The following SATB2 variants were observed in gnomAD, a reference collection of about 807,000 sequenced individuals.
The protein encoded by SATB2 is DNA-binding protein SATB2.
SATB2 carries 1 observed loss-of-function variant against 73.4 expected under a neutral mutation model. That is an observed-to-expected ratio of 0.01 (90% CI 0.00 to 0.06). SATB2 has a LOEUF of 0.06. Among genes scored for constraint, SATB2 ranks in the 10% least tolerant of loss-of-function variants. SATB2 has a pLI of 1.00. For synonymous variants in SATB2, 397 were observed against 367.0 expected (o/e 1.08, Z -0.93); for missense variants, 459 against 945.8 (o/e 0.49, Z 6.75).
chr2:199,328,592 A>C (rs1574510601), intron 8 of SATB2, 106 bp downstream of exon 8: 1 of 774,078 alleles, frequency 1.3e-6, no homozygotes. Flanking sequence ...AAAGGAAAGA[A>C]ATCCTTGAAT....
At chr2:199,292,548 C>T (rs76095271) in intron 10 of SATB2, among the ~76,000 whole-genome samples, 1 of 152,238 alleles carries the variant, frequency 6.6e-6, no homozygotes, top group Non-Finnish European at 1.5e-5. Flanking sequence ...ATAATAAATG[C>T]TTATTCAGAT....
At chr2:199,281,496 A>ACACAAT in intron 10 of SATB2, among the ~76,000 whole-genome samples, 1 of 51,858 alleles carries the variant, frequency 1.9e-5, no homozygotes, top group African/African-American at 5.2e-5. Context: ...CACACACACA[A>ACACAAT]TTTTTTTTTA....
In SATB2 at chr2:199,455,649, T is replaced by C. The variant is rs967549745; in HGVS notation, c.169+220A>G. Among the ~76,000 whole-genome samples, 1 of 152,228 alleles carries C rather than the reference T, an allele frequency of 6.6e-6. No homozygotes were observed. The highest frequency in any genetic ancestry group is 1.5e-5 in the Non-Finnish European group (1 of 68,026). On this transcript the variant is annotated intron_variant, in intron 2 of 10. Coordinates refer to ENST00000417098, the MANE Select transcript of SATB2 (RefSeq NM_001172509.2). The surrounding 1 kb of genome is among the most constrained non-coding windows in gnomAD (Gnocchi z 4.1). Reference sequence around the variant, plus strand: ...AACACCTCAGCACACAGTGGCAAAATGCCCAAAAAATGCCACCCTCTGGGT... The same window carrying C: ...AACACCTCAGCACACAGTGGCAAAACGCCCAAAAAATGCCACCCTCTGGGT...
At chr2:199,425,744 T>C (rs1288859429) in intron 3 of SATB2, among the ~76,000 whole-genome samples, 1 of 152,146 alleles carries the variant, frequency 6.6e-6, no homozygotes, top group Non-Finnish European at 1.5e-5. Context: ...ATATAAGGAA[T>C]ACAGAACTAT....
At chr2:199,401,752 A>G (rs903615579) in intron 3 of SATB2, among the ~76,000 whole-genome samples, 5 of 152,204 alleles carry the variant, frequency 3.3e-5, no homozygotes, top group African/African-American at 1.2e-4. Flanking sequence ...GAGAAATTCA[A>G]AGAGGCTGGC....
intron 7 of SATB2, chr2:199,348,489 C>A: frequency 1.7e-6 from 1 of 594,090 alleles, no homozygotes. Context: ...TCAAAGATGT[C>A]CATTACCTCA....
chr2:199,368,481 A>C, intron 6 of SATB2, 124 bp downstream of exon 6: 1 of 683,138 alleles, frequency 1.5e-6, no homozygotes, highest in Non-Finnish European at 2.6e-6. Flanking sequence ...GGAATATTAA[A>C]GATCTCACCT....
upstream of SATB2, among the ~76,000 whole-genome samples, chr2:199,468,479 C>T (rs1459981616): frequency 6.6e-6 from 1 of 152,210 alleles, no homozygotes; most frequent in African/African-American, 2.4e-5. Context: ...AAGCATCCAA[C>T]TGAGGCCCAG....
chr2:199,390,862 G>T (rs929242224), intron 3 of SATB2, among the ~76,000 whole-genome samples: 3 of 152,092 alleles, frequency 2.0e-5, no homozygotes, highest in Admixed American at 6.6e-5. Flanking sequence ...TTCTAGAATT[G>T]TCCTCCAGGC....
chr2:199,337,531 C>T (rs192585382), intron 7 of SATB2, among the ~76,000 whole-genome samples: 1 of 152,028 alleles, frequency 6.6e-6, no homozygotes, highest in Admixed American at 6.6e-5. Flanking sequence ...TTTCATGAAG[C>T]CTTTGCTTTA....
In SATB2 at chr2:199,337,723, CAG is replaced by C. The variant is rs575926846; in HGVS notation, c.1174-8815_1174-8814del. Among the ~76,000 whole-genome samples the C allele has an allele frequency of 2.0e-5, 3 of 152,220 alleles. No individual in the cohort carries two copies. In the South Asian group the frequency reaches 6.2e-4, roughly 32 times the overall value. ...CAGTCTATACTGACAATTTTAGACA[CAG>C]AACTGTATACAGAATTGAAACAACC... On this transcript the variant is annotated intron_variant, in intron 7 of 10. Transcript: ENST00000417098.
chr2:199,333,349 T>C (rs1444741014), intron 7 of SATB2, among the ~76,000 whole-genome samples: 1 of 151,968 alleles, frequency 6.6e-6, no homozygotes, highest in African/African-American at 2.4e-5. Flanking sequence ...CCAGAACTAG[T>C]GTCACCTTGG....
chr2:199,362,874 GA>G (rs1423309624), intron 6 of SATB2, among the ~76,000 whole-genome samples: 8 of 152,190 alleles, frequency 5.3e-5, no homozygotes, highest in African/African-American at 1.7e-4. Context: ...GAGAAGCAGG[GA>G]GGGGCGTAAG....
At chr2:199,323,182 T>A (rs1473930889) in intron 9 of SATB2, among the ~76,000 whole-genome samples, 1 of 152,100 alleles carries the variant, frequency 6.6e-6, no homozygotes, top group African/African-American at 2.4e-5. Context: ...AGCATTACAT[T>A]CTCCACAATC....
intron 7 of SATB2, among the ~76,000 whole-genome samples, chr2:199,330,751 T>C (rs889612065): frequency 2.0e-5 from 3 of 152,158 alleles, no homozygotes; most frequent in African/African-American, 4.8e-5. Context: ...AATCTTCAAA[T>C]GAATATGCAG....
chr2:199,440,351 C>T (rs921143089), intron 2 of SATB2, among the ~76,000 whole-genome samples: 1 of 152,198 alleles, frequency 6.6e-6, no homozygotes, highest in African/African-American at 2.4e-5. Context: ...CCCCCAGGGG[C>T]TGATCTCAAA....
chr2:199,417,070 A>ACT (rs1315322914), intron 3 of SATB2, among the ~76,000 whole-genome samples: 1 of 129,828 alleles, frequency 7.7e-6, no homozygotes, highest in South Asian at 2.4e-4. Flanking sequence ...ACACACACAC[A>ACT]CTCACAAAAA....
At chr2:199,414,670 T>C (rs1690921336) in intron 3 of SATB2, among the ~76,000 whole-genome samples, 1 of 152,118 alleles carries the variant, frequency 6.6e-6, no homozygotes, top group Non-Finnish European at 1.5e-5. Context: ...GTCAAAGCGC[T>C]CACTCAAGAC....
At chr2:199,405,572 A>C (rs1234538357) in intron 3 of SATB2, among the ~76,000 whole-genome samples, 1 of 152,162 alleles carries the variant, frequency 6.6e-6, no homozygotes, top group Non-Finnish European at 1.5e-5. Flanking sequence ...GGTGGAGAAA[A>C]GGAGCTGCAT....
Sources: gnomAD v4.1 joint callset for allele counts (sites outside exome capture counted in the v4.1 genomes callset) on GRCh38, gnomAD v4.1.1 for gene constraint, Gnocchi (gnomAD v3.1) non-coding constraint, MANE v1.5 for transcripts, NCBI Gene and HGNC (gene_info 2026-07-23, HGNC 2026-07-21) for gene names.